The following TMEM117 variants were observed in gnomAD, a reference collection of about 807,000 sequenced individuals.
The protein encoded by TMEM117 is transmembrane protein 117.
Under a neutral mutation model 52.4 loss-of-function variants are expected in TMEM117, and 27 were observed. That is an observed-to-expected ratio of 0.51 (90% CI 0.38 to 0.71). The LOEUF is 0.71. Among genes scored for constraint, TMEM117 ranks in the 30% least tolerant of loss-of-function variants. The pLI, the probability that TMEM117 is intolerant of heterozygous loss-of-function variation, is 0.00. For missense variants in TMEM117, 556 were observed against 630.5 expected (o/e 0.88, Z 1.26); for synonymous variants, 215 against 206.3 (o/e 1.04, Z -0.36).
At chr12:43,968,392 T>C (rs2137682461) in intron 3 of TMEM117, among the ~76,000 whole-genome samples, 1 of 152,332 alleles carries the variant, frequency 6.6e-6, no homozygotes, top group South Asian at 2.1e-4. Context: ...AAGGAGAATA[T>C]CTTGCATATT....
chr12:43,956,019 A>G (rs182476941), intron 3 of TMEM117, among the ~76,000 whole-genome samples: 109 of 152,194 alleles, frequency 7.2e-4, no homozygotes, highest in African/African-American at 2.5e-3. Context: ...TTCAACAAAC[A>G]TGACAAAAAC....
At chr12:43,972,515 G>T (rs1409234610) in intron 3 of TMEM117, among the ~76,000 whole-genome samples, 4 of 152,178 alleles carry the variant, frequency 2.6e-5, no homozygotes, top group Admixed American at 2.0e-4. Context: ...GGCTGGGGTG[G>T]CCAGCTTTTA....
intron 5 of TMEM117, among the ~76,000 whole-genome samples, chr12:44,267,706 C>T (rs913545949): frequency 3.4e-4 from 52 of 152,186 alleles, no homozygotes; most frequent in African/African-American, 1.2e-3. Context: ...ATTCCATTCA[C>T]TGCCTCTATG....
chr12:43,988,101 T>C (rs935241028), intron 3 of TMEM117, among the ~76,000 whole-genome samples: 1 of 152,274 alleles, frequency 6.6e-6, no homozygotes, highest in East Asian at 1.9e-4. Context: ...AAGACATTAC[T>C]ACCTATGGAA....
rs181621587 is a variant in TMEM117, at chr12:43,996,899, T to C, written c.410+52557T>C. On this transcript the variant is annotated intron_variant, in intron 3 of 7. Coordinates refer to ENST00000266534, the MANE Select transcript of TMEM117 (RefSeq NM_032256.3). ...TAGCTGAAGCAGTGGGAACTTTCACTGGGCATATTTGTTGGTGTCAGTAAG... is the reference window on the plus strand; with the variant it reads ...TAGCTGAAGCAGTGGGAACTTTCACCGGGCATATTTGTTGGTGTCAGTAAG... Among the ~76,000 whole-genome samples the C allele has an allele frequency of 2.4e-3, 370 of 152,274 alleles. 5 individuals are homozygous for C. Among genetic ancestry groups the C allele is most frequent in the East Asian group, 9.6e-4 (5 of 5,184 alleles).
At chr12:44,332,984 T>C (rs1022346009) in intron 6 of TMEM117, among the ~76,000 whole-genome samples, 4 of 152,124 alleles carry the variant, frequency 2.6e-5, no homozygotes, top group Non-Finnish European at 5.9e-5. Flanking sequence ...AGATTTTAAA[T>C]GTCTTTGTAC....
intron 3 of TMEM117, among the ~76,000 whole-genome samples, chr12:44,107,184 GTAAAAC>G (rs1947970845): frequency 6.6e-6 from 1 of 151,976 alleles, no homozygotes; most frequent in Non-Finnish European, 1.5e-5. Context: ...AATTTCTACT[GTAAAAC>G]TAAGAAAATT....
chr12:44,273,948 A>G (rs904799050), intron 5 of TMEM117, among the ~76,000 whole-genome samples: 5 of 152,212 alleles, frequency 3.3e-5, no homozygotes, highest in Non-Finnish European at 5.9e-5. Flanking sequence ...GTTGGTCAAC[A>G]TAGTACTGGA....
chr12:44,305,603 C>G (rs2138656461), intron 6 of TMEM117, among the ~76,000 whole-genome samples: 1 of 151,190 alleles, frequency 6.6e-6, no homozygotes, highest in South Asian at 2.1e-4. Context: ...AACTGAATGA[C>G]ATACCATCTC....
chr12:44,008,322 A>G (rs1208479102), intron 3 of TMEM117, among the ~76,000 whole-genome samples: 1 of 152,204 alleles, frequency 6.6e-6, no homozygotes, highest in Non-Finnish European at 1.5e-5. Context: ...TACTGGAAGA[A>G]TTTAGATGAC....
At chr12:44,157,199 C>T (rs555293957) in intron 4 of TMEM117, among the ~76,000 whole-genome samples, 1 of 152,232 alleles carries the variant, frequency 6.6e-6, no homozygotes, top group Admixed American at 6.5e-5. Flanking sequence ...TGACCTGCTC[C>T]GCCAATTCTT....
chr12:44,152,844 A>C (rs538231272), intron 4 of TMEM117, among the ~76,000 whole-genome samples: 4 of 144,738 alleles, frequency 2.8e-5, no homozygotes, highest in Admixed American at 7.2e-5. Flanking sequence ...GTATTTATAT[A>C]AATACAATAT....
chr12:43,953,502 T>C (rs1450114775), intron 3 of TMEM117, among the ~76,000 whole-genome samples: 1 of 152,140 alleles, frequency 6.6e-6, no homozygotes, highest in Non-Finnish European at 1.5e-5. Context: ...GTTGCAATCC[T>C]AGCTTCTGAC....
intron 3 of TMEM117, among the ~76,000 whole-genome samples, chr12:44,019,954 T>A (rs1946431280): frequency 6.6e-6 from 1 of 152,216 alleles, no homozygotes; most frequent in Non-Finnish European, 1.5e-5. Flanking sequence ...TATTTTGTAA[T>A]AGAATCTGGT....
intron 5 of TMEM117, among the ~76,000 whole-genome samples, chr12:44,294,463 G>A (rs1306480359): frequency 2.0e-5 from 3 of 152,184 alleles, no homozygotes; most frequent in African/African-American, 7.2e-5. Context: ...AAGTGCAACA[G>A]CAAATGGAAA....
chr12:44,326,084 A>C (rs1186961971), intron 6 of TMEM117, among the ~76,000 whole-genome samples: 1 of 152,008 alleles, frequency 6.6e-6, no homozygotes, highest in Non-Finnish European at 1.5e-5. Flanking sequence ...AATTGCTTGA[A>C]CCTGGGAGGC....
At chr12:44,147,637 C>CTAAG (rs563855872) in intron 4 of TMEM117, among the ~76,000 whole-genome samples, 1 of 151,884 alleles carries the variant, frequency 6.6e-6, no homozygotes, top group Non-Finnish European at 1.5e-5. Flanking sequence ...GAGCCATGAC[C>CTAAG]TAAGAAGACA....
chr12:44,272,807 G>A (rs1281748485), intron 5 of TMEM117, among the ~76,000 whole-genome samples: 2 of 152,056 alleles, frequency 1.3e-5, no homozygotes, highest in Non-Finnish European at 2.9e-5. Context: ...GTGGAAGACA[G>A]TGTGGCGATT....
intron 2 of TMEM117, among the ~76,000 whole-genome samples, chr12:43,931,916 C>G (rs967394109): frequency 9.9e-5 from 15 of 152,196 alleles, no homozygotes; most frequent in Admixed American, 4.6e-4. Flanking sequence ...TGTCCTTGAG[C>G]TTACACTTTT....
Sources: allele counts gnomAD v4.1 joint callset (sites outside exome capture counted in the v4.1 genomes callset), GRCh38; gene constraint gnomAD v4.1.1; transcripts MANE v1.5; gene names NCBI Gene and HGNC (gene_info 2026-07-23, HGNC 2026-07-21).